SRGAP1: variants seen among roughly 807,000 people sequenced by gnomAD.
SRGAP1 encodes SLIT-ROBO Rho GTPase-activating protein 1.
In SRGAP1, 43 loss-of-function variants were observed where a neutral mutation model predicts 121.9. That is an observed-to-expected ratio of 0.35 (90% CI 0.28 to 0.46). The LOEUF (loss-of-function observed/expected upper bound fraction) is 0.46. SRGAP1 is among the 20% of genes least tolerant of loss of function. SRGAP1 has a pLI of 1.00. For synonymous variants in SRGAP1, 447 were observed against 485.4 expected (o/e 0.92, Z 1.04); for missense variants, 1,102 against 1,350.9 (o/e 0.82, Z 2.89).
At position 64,142,407 on chromosome 12, in the gene SRGAP1, A is replaced by G. The variant is rs779959685; in HGVS notation, c.2993A>G (p.Asn998Ser). The G allele has an allele frequency of 1.2e-6, 2 of 1,609,702 alleles. No homozygotes were observed. The highest frequency in any genetic ancestry group is 1.7e-6 in the Non-Finnish European group (2 of 1,178,634). The change falls in exon 22 of 22, where the codon AAC becomes AGC. Residue 998 changes from asparagine to serine, a missense_variant. Physicochemically the swap from Asn to Ser is conservative, Grantham distance 46 (BLOSUM62 1). Transcript: ENST00000355086. ...CTGGATACCCTGGAGCAAGTGAAAA[A>G]CTCTCCCACCCCTGCCACTTCCACG... ...VVLDTLEQVKNSPTPATSTES... is the reference protein window; with the variant it reads ...VVLDTLEQVKSSPTPATSTES...
Position 64,115,539 on chromosome 12 carries a change from C to A in SRGAP1, c.2145-275C>A, listed in dbSNP as rs567150510. ...CTTTGGGAGATCAAGGCAGGAGGAT[C>A]AATTAAGCCCAGGAGTTTGAGACCA... On this transcript the variant is annotated intron_variant, in intron 17 of 21. Transcript: ENST00000355086. Among the ~76,000 whole-genome samples the A allele has an allele frequency of 9.2e-5, 14 of 152,224 alleles. No individual in the cohort carries two copies. The South Asian group carries it at 1.5e-3, about 16-fold the overall frequency.
Position 64,142,815 on chromosome 12 carries a change from T to A in SRGAP1, c.*143T>A. 4.5e-6 allele frequency: 5 copies of A among 1,123,090 alleles called. No homozygotes were observed. The Admixed American group carries it at 1.4e-4, about 32-fold the overall frequency. The allele number at this position is 1,123,090 out of a possible 1,614,324, so 69.6% of individuals were successfully genotyped here. A position where few individuals can be genotyped will look rare whatever the true frequency, so the allele number is the denominator to read the frequency against. Reference sequence around the variant, plus strand: ...CTTTTCTATGTTGTCGAATGTAATGTCTGAGACTAGCTAAATTAACACGGG... The same window carrying A: ...CTTTTCTATGTTGTCGAATGTAATGACTGAGACTAGCTAAATTAACACGGG... On this transcript the variant is annotated 3_prime_UTR_variant, in exon 22 of 22. Coordinates refer to ENST00000355086, the MANE Select transcript of SRGAP1 (RefSeq NM_020762.4).
chr12:64,023,771 G>A (rs774439493), intron 4 of SRGAP1, among the ~76,000 whole-genome samples: 20 of 152,188 alleles, frequency 1.3e-4, no homozygotes, highest in Non-Finnish European at 2.6e-4. Flanking sequence ...TTTACCATGA[G>A]GGCAAGCACA....
intron 1 of SRGAP1, among the ~76,000 whole-genome samples, chr12:63,937,782 G>A (rs778454390): frequency 1.3e-5 from 2 of 152,178 alleles, no homozygotes; most frequent in South Asian, 4.1e-4. Flanking sequence ...CTAATAAAAC[G>A]GGTGCACTCT....
chr12:64,116,041 G>A, intron 18 of SRGAP1, 148 bp downstream of exon 18: 2 of 654,988 alleles, frequency 3.1e-6, no homozygotes, highest in South Asian at 1.9e-5. Context: ...GATCACTTGA[G>A]CCCAGGAGTT....
chr12:63,860,835 T>G (rs1273383875), intron 1 of SRGAP1, among the ~76,000 whole-genome samples: 3 of 151,990 alleles, frequency 2.0e-5, no homozygotes, highest in African/African-American at 7.2e-5. Context: ...CCTCTTTTTT[T>G]TTTTTAAAGA....
At chr12:64,138,351 A>G (rs2036892684) in intron 21 of SRGAP1, among the ~76,000 whole-genome samples, 1 of 151,934 alleles carries the variant, frequency 6.6e-6, no homozygotes, top group South Asian at 2.1e-4. Context: ...TGTATATACC[A>G]CATTTTGTTT....
intron 8 of SRGAP1, among the ~76,000 whole-genome samples, chr12:64,073,252 A>G (rs1418650641): frequency 2.6e-5 from 4 of 152,030 alleles, no homozygotes; most frequent in Non-Finnish European, 5.9e-5. Flanking sequence ...TAACCATGAC[A>G]CCATTGCTTC....
chr12:64,012,551 C>CTTTTTTTTTTTTT (rs386376760), intron 3 of SRGAP1, among the ~76,000 whole-genome samples: 4 of 77,662 alleles, frequency 5.2e-5, no homozygotes, highest in African/African-American at 2.3e-4. Flanking sequence ...AAGTTATTAT[C>CTTTTTTTTTTTTT]TTTTTTTTTT....
In SRGAP1 at chr12:64,153,565, A is replaced by G. The variant is rs1009813643; in HGVS notation, c.*10893A>G. Reference sequence around the variant, plus strand: ...CAAAAAGGAACATGACAGCATCTATATTTTTAGAAGATGACCCTCAAAACC... The same window carrying G: ...CAAAAAGGAACATGACAGCATCTATGTTTTTAGAAGATGACCCTCAAAACC... On this transcript the variant is annotated 3_prime_UTR_variant, in exon 22 of 22. Transcript: ENST00000355086. 1.3e-5 allele frequency: 2 copies of G among 152,108 alleles called. No individual in the cohort carries two copies. Among genetic ancestry groups the G allele is most frequent in the Non-Finnish European group, 2.9e-5 (2 of 68,032 alleles). 9.4% of individuals were successfully genotyped at this position (152,108 alleles called of 1,614,324 possible).
chr12:63,931,494 T>C (rs1293654790), intron 1 of SRGAP1, among the ~76,000 whole-genome samples: 10 of 152,202 alleles, frequency 6.6e-5, no homozygotes, highest in Admixed American at 6.5e-4. Context: ...CTAACAAATA[T>C]TTATTGAGTA....
intron 1 of SRGAP1, among the ~76,000 whole-genome samples, chr12:63,861,925 C>T (rs1211833373): frequency 1.3e-5 from 2 of 152,078 alleles, no homozygotes; most frequent in African/African-American, 4.8e-5. Context: ...AGTTTGAGAC[C>T]AGCCTGGCCG....
At chr12:64,069,647 A>T (rs2035605446) in intron 8 of SRGAP1, among the ~76,000 whole-genome samples, 1 of 152,144 alleles carries the variant, frequency 6.6e-6, no homozygotes, top group African/African-American at 2.4e-5. Flanking sequence ...GAAGTGAAAC[A>T]TTAATAAACA....
rs554906790 is a variant in SRGAP1, at chr12:64,134,237, T to C, written c.2880+6037T>C. On this transcript the variant is annotated intron_variant, in intron 21 of 21. Coordinates refer to ENST00000355086, the MANE Select transcript of SRGAP1 (RefSeq NM_020762.4). ...GAGATTGAGACCATCCTGGCTAACA[T>C]GGTGAAACCCCGTCTCTACTAAAAA... is the stretch of plus-strand genomic sequence containing the variant. Among the ~76,000 whole-genome samples, 9 of 151,982 alleles carry C rather than the reference T, an allele frequency of 5.9e-5. No individual in the cohort carries two copies. In the South Asian group the frequency reaches 1.7e-3, roughly 28 times the overall value.
chr12:64,117,381 G>T (rs1340430433), intron 18 of SRGAP1, among the ~76,000 whole-genome samples: 1 of 152,002 alleles, frequency 6.6e-6, no homozygotes, highest in Non-Finnish European at 1.5e-5. Context: ...TGATTTGTAA[G>T]GGTTCTTTGT....
rs2037018747 is a variant in SRGAP1 at position 64,144,576 on chromosome 12, C to T, written c.*1904C>T. 6.6e-6 allele frequency: 1 copy of T among 152,098 alleles called. No individual in the cohort carries two copies. The highest frequency in any genetic ancestry group is 2.4e-5 in the African/African-American group (1 of 41,398). The allele number at this position is 152,098 out of a possible 1,614,324, so 9.4% of individuals were successfully genotyped here. On this transcript the variant is annotated 3_prime_UTR_variant, in exon 22 of 22. Coordinates refer to ENST00000355086, the MANE Select transcript of SRGAP1 (RefSeq NM_020762.4). The stretch of plus-strand genomic sequence containing the variant: ...GCCTAATTTCACAAATGAATAGTGA[C>T]TTTTTTCCCATGTATTTCTAGGTAT...
chr12:63,897,063 TC>T (rs1435035130), intron 1 of SRGAP1, among the ~76,000 whole-genome samples: 2 of 152,202 alleles, frequency 1.3e-5, no homozygotes, highest in East Asian at 3.9e-4. Flanking sequence ...GGGGCAGATC[TC>T]AAGGACCTCT....
chr12:63,941,266 G>T (rs1158368194), intron 1 of SRGAP1, among the ~76,000 whole-genome samples: 1 of 151,618 alleles, frequency 6.6e-6, no homozygotes, highest in Non-Finnish European at 1.5e-5. Context: ...GTAATCCCTT[G>T]TCCTTCTGTT....
intron 21 of SRGAP1, among the ~76,000 whole-genome samples, chr12:64,135,379 C>G (rs1238449971): frequency 6.6e-6 from 1 of 152,156 alleles, no homozygotes; most frequent in Non-Finnish European, 1.5e-5. Context: ...AGATAAGACT[C>G]ACACTCAGGG....
Sources: gnomAD v4.1 joint callset for allele counts (sites outside exome capture counted in the v4.1 genomes callset) on GRCh38, gnomAD v4.1.1 for gene constraint, MANE v1.5 for transcripts, NCBI Gene and HGNC (gene_info 2026-07-23, HGNC 2026-07-21) for gene names.